The following TMEM117 variants were observed in gnomAD, a reference collection of about 807,000 sequenced individuals.
The protein encoded by TMEM117 is transmembrane protein 117.
TMEM117 carries 27 observed loss-of-function variants against 52.4 expected under a neutral mutation model. The observed-to-expected ratio is 0.51, with a 90% CI of 0.38 to 0.71. The LOEUF (loss-of-function observed/expected upper bound fraction) is 0.71. Among genes scored for constraint, TMEM117 ranks in the 30% least tolerant of loss-of-function variants. TMEM117 has a pLI of 0.00. For missense variants in TMEM117, 556 were observed against 630.5 expected (o/e 0.88, Z 1.26); for synonymous variants, 215 against 206.3 (o/e 1.04, Z -0.36).
intron 3 of TMEM117, among the ~76,000 whole-genome samples, chr12:44,024,730 A>C (rs1450924359): frequency 6.6e-6 from 1 of 152,006 alleles, no homozygotes; most frequent in Non-Finnish European, 1.5e-5. Context: ...TTCATATTAG[A>C]TTTTCTTAAC....
intron 6 of TMEM117, among the ~76,000 whole-genome samples, chr12:44,352,263 A>ATTTTG (rs956685607): frequency 6.6e-6 from 1 of 151,900 alleles, no homozygotes; most frequent in Non-Finnish European, 1.5e-5. Flanking sequence ...TTTAAAAATA[A>ATTTTG]TTTTGTTTTG....
At chr12:44,282,071 G>A (rs956282058) in intron 5 of TMEM117, among the ~76,000 whole-genome samples, 1 of 152,066 alleles carries the variant, frequency 6.6e-6, no homozygotes, top group Non-Finnish European at 1.5e-5. Context: ...AAGAACTGAT[G>A]GGTTTATCAG....
At chr12:44,171,173 G>A (rs1228015993) in intron 4 of TMEM117, among the ~76,000 whole-genome samples, 1 of 151,824 alleles carries the variant, frequency 6.6e-6, no homozygotes, top group East Asian at 1.9e-4. Flanking sequence ...CCGCCACTAC[G>A]CCCGGCTAAT....
At chr12:43,838,669 T>G (rs1240734322) in intron 1 of TMEM117, among the ~76,000 whole-genome samples, 1 of 149,750 alleles carries the variant, frequency 6.7e-6, no homozygotes, top group Non-Finnish European at 1.5e-5. Context: ...ACTTAGTACT[T>G]ACTCTTACTT....
At chr12:44,357,199 T>C (rs1232929062) in intron 6 of TMEM117, among the ~76,000 whole-genome samples, 1 of 152,150 alleles carries the variant, frequency 6.6e-6, no homozygotes, top group Non-Finnish European at 1.5e-5. Flanking sequence ...CTTTCCTGAA[T>C]GCTCTCAGGG....
intron 4 of TMEM117, among the ~76,000 whole-genome samples, chr12:44,154,797 A>AT (rs199693176): frequency 0.015 from 2,296 of 150,702 alleles, 44 homozygotes; most frequent in South Asian, 0.048. Flanking sequence ...TGATTATATG[A>AT]TTTTTTTTAA....
intron 3 of TMEM117, among the ~76,000 whole-genome samples, chr12:44,042,257 T>TA (rs1337075777): frequency 6.6e-6 from 1 of 152,194 alleles, no homozygotes; most frequent in Non-Finnish European, 1.5e-5. Flanking sequence ...GTTTGATAAT[T>TA]ACAGTTTTCA....
chr12:43,953,846 A>G (rs1020768686), intron 3 of TMEM117, among the ~76,000 whole-genome samples: 8 of 152,202 alleles, frequency 5.3e-5, no homozygotes, highest in African/African-American at 1.9e-4. Flanking sequence ...ACAACAGAAT[A>G]TACATTTTTG....
intron 3 of TMEM117, among the ~76,000 whole-genome samples, chr12:44,092,744 GC>G (rs1161535230): frequency 6.6e-6 from 1 of 152,136 alleles, no homozygotes; most frequent in Non-Finnish European, 1.5e-5. Context: ...ATCCTAAGAG[GC>G]TAAGAACTAT....
chr12:43,806,101 C>T, the TMEM117 span: 2 of 1,522,006 alleles, frequency 1.3e-6, no homozygotes, highest in South Asian at 2.4e-5. Flanking sequence ...CCGGCTCGCC[C>T]CGCGAGACCG....
intron 2 of TMEM117, among the ~76,000 whole-genome samples, chr12:43,864,743 G>A (rs2137407272): frequency 6.6e-6 from 1 of 152,292 alleles, no homozygotes; most frequent in East Asian, 1.9e-4. Flanking sequence ...CAATCAGCAG[G>A]ATGTGGGTTG....
At chr12:43,968,783 A>G (rs1330373631) in intron 3 of TMEM117, among the ~76,000 whole-genome samples, 2 of 152,230 alleles carry the variant, frequency 1.3e-5, no homozygotes, top group Non-Finnish European at 2.9e-5. Context: ...TTAATCTAGG[A>G]ATAGTGGTGT....
rs1399654825 is a variant in TMEM117 at position 44,246,847 on chromosome 12, G to A, written c.608+35460G>A. Among the ~76,000 whole-genome samples the A allele has an allele frequency of 1.3e-5, 2 of 152,142 alleles. 1 individual carries two copies. The highest frequency in any genetic ancestry group is 3.9e-4 in the East Asian group (2 of 5,194). ...CATCAACCTGGGGTTTATATTTGTG[G>A]TTTAATTTATTCAGCACCTTCCAGT... On this transcript the variant is annotated intron_variant, in intron 5 of 7. Transcript: ENST00000266534.
At chr12:44,183,171 A>G (rs1410149974) in intron 4 of TMEM117, among the ~76,000 whole-genome samples, 1 of 152,176 alleles carries the variant, frequency 6.6e-6, no homozygotes, top group Admixed American at 6.5e-5. Flanking sequence ...TATTTCTAAT[A>G]TTTTCCATTC....
the TMEM117 span, chr12:43,798,692 G>T: frequency 1.7e-6 from 2 of 1,201,606 alleles, no homozygotes; most frequent in Non-Finnish European, 2.3e-6. Context: ...ATAGATCCTT[G>T]CTACCAGTTT....
At chr12:43,806,298 G>A in the TMEM117 span, 11 of 1,454,284 alleles carry the variant, frequency 7.6e-6, no homozygotes, top group South Asian at 2.7e-5. Flanking sequence ...AGCGGCCCCG[G>A]CCGGCGGCCC....
chr12:44,370,363 A>G (rs1951845879), intron 6 of TMEM117, among the ~76,000 whole-genome samples: 1 of 152,164 alleles, frequency 6.6e-6, no homozygotes, highest in African/African-American at 2.4e-5. Flanking sequence ...GTTTATAGGG[A>G]AAAAAATAAG....
At chr12:44,312,054 T>C (rs770714787) in intron 6 of TMEM117, among the ~76,000 whole-genome samples, 4 of 151,716 alleles carry the variant, frequency 2.6e-5, no homozygotes, top group Admixed American at 6.6e-5. Flanking sequence ...ATTATTTTTC[T>C]TAATAATTTC....
intron 6 of TMEM117, among the ~76,000 whole-genome samples, chr12:44,374,735 C>T (rs974417950): frequency 6.6e-6 from 1 of 151,294 alleles, no homozygotes; most frequent in Non-Finnish European, 1.5e-5. Flanking sequence ...ATTTCATACC[C>T]AATAGAAAAC....
Sources: allele counts gnomAD v4.1 joint callset (sites outside exome capture counted in the v4.1 genomes callset), GRCh38; gene constraint gnomAD v4.1.1; transcripts MANE v1.5; gene names NCBI Gene and HGNC (gene_info 2026-07-23, HGNC 2026-07-21).